The following CARMIL1 variants were observed in gnomAD, a reference collection of about 807,000 sequenced individuals.
The protein encoded by CARMIL1 is capping protein regulator and myosin 1 linker 1.
CARMIL1 carries 90 observed loss-of-function variants against 177.1 expected under a neutral mutation model. That is an observed-to-expected ratio of 0.51 (90% CI 0.43 to 0.61). The LOEUF is 0.61. CARMIL1 is among the 20% of genes least tolerant of loss of function. CARMIL1 has a pLI of 0.00. For synonymous variants in CARMIL1, 577 were observed against 606.2 expected, an observed-to-expected ratio of 0.95 and a Z score of 0.71; for missense variants, 1,380 against 1,667.0, an observed-to-expected ratio of 0.83 and a Z score of 3.00.
chr6:25,506,171 G>A (rs187223351), intron 17 of CARMIL1, among the ~76,000 whole-genome samples: 40 of 152,320 alleles, frequency 2.6e-4, no homozygotes, highest in African/African-American at 7.2e-5. Context: ...GGCCAGGTAC[G>A]GAATGCAGAA....
At chr6:25,284,743 T>G (rs1306095793) in intron 1 of CARMIL1, 69 bp from the exon 2 acceptor site, 2 of 839,340 alleles carry the variant, frequency 2.4e-6, no homozygotes, top group Non-Finnish European at 3.9e-6. Flanking sequence ...CCAAATATAC[T>G]CCTCCAAATG....
intron 2 of CARMIL1, among the ~76,000 whole-genome samples, chr6:25,380,283 T>C (rs974011406): frequency 6.6e-6 from 1 of 152,230 alleles, no homozygotes; most frequent in Non-Finnish European, 1.5e-5. Context: ...CACCAAACTT[T>C]TACTCTAAAG....
chr6:25,339,650 A>C (rs1786692015), intron 2 of CARMIL1, among the ~76,000 whole-genome samples: 1 of 152,194 alleles, frequency 6.6e-6, no homozygotes, highest in Non-Finnish European at 1.5e-5. Context: ...AGGATACCAG[A>C]TAGAAGCTTC....
chr6:25,313,761 C>T (rs761867497), intron 2 of CARMIL1, among the ~76,000 whole-genome samples: 1 of 149,642 alleles, frequency 6.7e-6, no homozygotes, highest in African/African-American at 2.5e-5. Flanking sequence ...CAAATAAATG[C>T]GTTTTAGAGC....
At chr6:25,296,251 T>C (rs775750282) in intron 2 of CARMIL1, among the ~76,000 whole-genome samples, 1 of 152,162 alleles carries the variant, frequency 6.6e-6, no homozygotes, top group Non-Finnish European at 1.5e-5. Flanking sequence ...CCTTTCACTA[T>C]CTCCCTGTCC....
At chr6:25,500,284 G>T in intron 17 of CARMIL1, 49 bp downstream of exon 17, 1 of 1,524,250 alleles carries the variant, frequency 6.6e-7, no homozygotes, top group South Asian at 1.1e-5. Context: ...AGCCTCAACC[G>T]CTTTGCCTTT....
intron 2 of CARMIL1, among the ~76,000 whole-genome samples, chr6:25,404,191 C>G (rs539030087): frequency 6.6e-6 from 1 of 152,330 alleles, no homozygotes; most frequent in East Asian, 1.9e-4. Flanking sequence ...ACTTGAGGAG[C>G]CACATAGAAG....
rs185985548 is a variant in CARMIL1 at position 25,587,833 on chromosome 6, A to G, written c.3006+6394A>G. On this transcript the variant is annotated intron_variant, in intron 31 of 36. Transcript: ENST00000329474. ...TTTGGGAAAAGAGCATCACATGGGT[A>G]ATCTAAGAGTGGAAATGCCATTTTC... Among the ~76,000 whole-genome samples the G allele has an allele frequency of 3.3e-5, 5 of 152,334 alleles. No individual in the cohort carries two copies. In the East Asian group the frequency reaches 7.7e-4, roughly 23 times the overall value.
intron 32 of CARMIL1, among the ~76,000 whole-genome samples, chr6:25,598,028 G>A (rs1161063750): frequency 4.6e-5 from 7 of 151,970 alleles, no homozygotes; most frequent in African/African-American, 1.7e-4. Context: ...AAGCATTTGG[G>A]ATCTTCTCTG....
chr6:25,338,264 A>T (rs113887641), intron 2 of CARMIL1, among the ~76,000 whole-genome samples: 2 of 120,318 alleles, frequency 1.7e-5, no homozygotes, highest in Admixed American at 8.2e-5. Context: ...CTCAAAAAAA[A>T]AAAAATAAAA....
intron 2 of CARMIL1, among the ~76,000 whole-genome samples, chr6:25,394,122 A>G (rs938110608): frequency 1.3e-5 from 2 of 152,140 alleles, no homozygotes; most frequent in Non-Finnish European, 2.9e-5. Flanking sequence ...ATATCTCTCC[A>G]TCCCTCTGTC....
chr6:25,461,607 A>T (rs532841696), intron 8 of CARMIL1, among the ~76,000 whole-genome samples: 1 of 152,260 alleles, frequency 6.6e-6, no homozygotes. Context: ...AGTTTCTGGT[A>T]ATTATGAACA....
At chr6:25,431,520 G>A (rs1270009595) in intron 4 of CARMIL1, among the ~76,000 whole-genome samples, 1 of 151,644 alleles carries the variant, frequency 6.6e-6, no homozygotes, top group Non-Finnish European at 1.5e-5. Context: ...ACTCGTGAAT[G>A]ATGACATAAT....
intron 32 of CARMIL1, among the ~76,000 whole-genome samples, chr6:25,595,808 G>A (rs1214410333): frequency 3.3e-5 from 5 of 152,098 alleles, no homozygotes; most frequent in African/African-American, 1.2e-4. Flanking sequence ...ATGGGAAATC[G>A]CTGTTAATGA....
At chr6:25,533,460 T>C (rs964398827) in intron 24 of CARMIL1, among the ~76,000 whole-genome samples, 2 of 152,196 alleles carry the variant, frequency 1.3e-5, no homozygotes, top group African/African-American at 4.8e-5. Context: ...TCTATGAAGG[T>C]GATGTAAAGA....
intron 2 of CARMIL1, among the ~76,000 whole-genome samples, chr6:25,302,137 G>A (rs1782905176): frequency 6.6e-6 from 1 of 151,924 alleles, no homozygotes; most frequent in Non-Finnish European, 1.5e-5. Flanking sequence ...TTGAATGATC[G>A]GCACTGACCC....
intron 2 of CARMIL1, among the ~76,000 whole-genome samples, chr6:25,299,798 C>T (rs895617233): frequency 9.2e-5 from 14 of 151,722 alleles, no homozygotes; most frequent in African/African-American, 2.4e-4. Flanking sequence ...GCCAACATGG[C>T]GAAAACCCAT....
intron 2 of CARMIL1, among the ~76,000 whole-genome samples, chr6:25,410,362 A>G (rs1051248386): frequency 3.3e-5 from 5 of 151,964 alleles, no homozygotes; most frequent in Admixed American, 2.0e-4. Flanking sequence ...TCTTGTTCCA[A>G]CTCTTCCATT....
intron 32 of CARMIL1, among the ~76,000 whole-genome samples, chr6:25,598,733 T>C (rs1251695359): frequency 6.6e-6 from 1 of 152,150 alleles, no homozygotes; most frequent in East Asian, 1.9e-4. Context: ...TTCTCTTCCG[T>C]GTTGAAAAGG....
Sources: gnomAD v4.1 joint callset for allele counts (sites outside exome capture counted in the v4.1 genomes callset) on GRCh38, gnomAD v4.1.1 for gene constraint, MANE v1.5 for transcripts, NCBI Gene and HGNC (gene_info 2026-07-23, HGNC 2026-07-21) for gene names.